Variants in RNF144A observed in about 807,000 individuals in gnomAD.
RNF144A encodes the protein E3 ubiquitin-protein ligase RNF144A.
RNF144A carries 11 observed loss-of-function variants against 38.7 expected under a neutral mutation model. That is an observed-to-expected ratio of 0.28 (90% CI 0.18 to 0.47). The LOEUF (loss-of-function observed/expected upper bound fraction) is 0.47, where lower values mean the gene tolerates loss of function less well. RNF144A is among the 20% of genes least tolerant of loss of function. RNF144A has a pLI of 0.99. For missense variants in RNF144A, 316 were observed against 377.2 expected, an observed-to-expected ratio of 0.84 and a Z score of 1.34; for synonymous variants, 149 against 143.9, an observed-to-expected ratio of 1.04 and a Z score of -0.25.
chr2:6,946,529 G>A (rs1317876673), intron 2 of RNF144A, among the ~76,000 whole-genome samples: 12 of 151,402 alleles, frequency 7.9e-5, no homozygotes, highest in Admixed American at 7.9e-4. Context: ...ACCTATAATT[G>A]TATGTACATA....
chr2:6,933,987 G>A (rs578136680), intron 1 of RNF144A, among the ~76,000 whole-genome samples: 7 of 152,134 alleles, frequency 4.6e-5, no homozygotes, highest in African/African-American at 1.7e-4. Context: ...TTTAACATAC[G>A]CATGAAATTT....
chr2:6,995,513 A>G (rs1669671412), intron 2 of RNF144A, among the ~76,000 whole-genome samples: 1 of 152,212 alleles, frequency 6.6e-6, no homozygotes, highest in Admixed American at 6.5e-5. Context: ...AAGCCAGTCC[A>G]AGTCCCAAAA....
chr2:7,030,791 T>C (rs1002288084), intron 8 of RNF144A, among the ~76,000 whole-genome samples: 1 of 152,130 alleles, frequency 6.6e-6, no homozygotes, highest in African/African-American at 2.4e-5. Context: ...CATTGTAATA[T>C]ATAGTGAAAT....
At chr2:7,062,097 C>T (rs751122467) in intron 6 of RNF144A, among the ~76,000 whole-genome samples, 1 of 152,176 alleles carries the variant, frequency 6.6e-6, no homozygotes, top group Non-Finnish European at 1.5e-5. Flanking sequence ...GGCTGGGAAC[C>T]TGGTTCTGCT....
At chr2:6,996,873 CA>C in intron 2 of RNF144A, 42 bp from the exon 3 acceptor site, 1 of 1,595,564 alleles carries the variant, frequency 6.3e-7, no homozygotes, top group African/African-American at 1.3e-5. Context: ...AGGTGGATGC[CA>C]GGGGTGGGGA....
intron 1 of RNF144A, among the ~76,000 whole-genome samples, chr2:6,920,972 C>T (rs1664503891): frequency 2.6e-5 from 4 of 152,162 alleles, no homozygotes; most frequent in South Asian, 2.1e-4. Context: ...TAAATATTTT[C>T]CAAGATCCAG....
intron 2 of RNF144A, among the ~76,000 whole-genome samples, chr2:6,970,114 GC>G (rs1667915831): frequency 6.6e-6 from 1 of 152,182 alleles, no homozygotes; most frequent in African/African-American, 2.4e-5. Context: ...TGTATATGGA[GC>G]AAAAGTGAAT....
chr2:6,925,911 C>G (rs999870342), intron 1 of RNF144A, among the ~76,000 whole-genome samples: 1 of 152,196 alleles, frequency 6.6e-6, no homozygotes, highest in Admixed American at 6.5e-5. Context: ...TCAATACACA[C>G]AACACATATA....
chr2:7,032,345 GGAATCCGCGCCCCTTGCAGCTCTGCTC>G (rs1256493676), intron 8 of RNF144A, among the ~76,000 whole-genome samples: 521 of 136,266 alleles, frequency 3.8e-3, no homozygotes, highest in African/African-American at 0.012. Context: ...CAGCTCTGCT[GGAATCCGCGCCCCTTGCAGCTCTGCTC>G]GAATCCGCGC....
In RNF144A at chr2:6,943,916, G is replaced by A. The variant is rs372443369; in HGVS notation, c.-12+2769G>A. On this transcript the variant is annotated intron_variant, in intron 2 of 8. Transcript: ENST00000320892. This position sits in a 1 kb window ranked among gnomAD's most constrained non-coding sequence, Gnocchi z 4.3. ...CACCTGAAGCATTCACAGCCCACTC[G>A]AAGCTCTGGCTCCAGACTGAAAGAG... is the stretch of plus-strand genomic sequence containing the variant. Among the ~76,000 whole-genome samples, 91 of 152,282 alleles carry A rather than the reference G, an allele frequency of 6.0e-4. No individual in the cohort carries two copies. Among genetic ancestry groups the A allele is most frequent in the Middle Eastern group, 6.8e-3 (2 of 294 alleles).
rs139255233 is a variant in RNF144A, at chr2:6,928,458, C to G, written c.-212+10836C>G. ...ACATATATTTGATTCCCAGTGAAGA[C>G]TGGTTGAGAGAAGCCTCTCCCATAC... On this transcript the variant is annotated intron_variant, in intron 1 of 8. Transcript: ENST00000320892. Among the ~76,000 whole-genome samples the G allele has an allele frequency of 4.6e-3, 704 of 152,298 alleles. 18 individuals are homozygous for G. Among genetic ancestry groups the G allele is most frequent in the Admixed American group, 0.032 (487 of 15,304 alleles).
chr2:6,919,379 A>G (rs893462251), intron 1 of RNF144A, among the ~76,000 whole-genome samples: 2 of 152,144 alleles, frequency 1.3e-5, no homozygotes, highest in African/African-American at 2.4e-5. Flanking sequence ...TGTTTTTTGC[A>G]CTTTTCTAAT....
intron 8 of RNF144A, among the ~76,000 whole-genome samples, chr2:7,036,810 G>A (rs1235195202): frequency 2.6e-5 from 4 of 152,126 alleles, no homozygotes; most frequent in Non-Finnish European, 4.4e-5. Context: ...CTTGAATGTG[G>A]TTTGTACAAG....
chr2:6,926,039 A>G (rs905168808), intron 1 of RNF144A, among the ~76,000 whole-genome samples: 1 of 152,262 alleles, frequency 6.6e-6, no homozygotes, highest in Non-Finnish European at 1.5e-5. Context: ...CTTAATAGCA[A>G]GGCACTGAAG....
intron 5 of RNF144A, 94 bp from the exon 6 acceptor site, chr2:7,020,379 C>G (rs1671438276): frequency 9.2e-7 from 1 of 1,081,094 alleles, no homozygotes. Flanking sequence ...TGGACATGTT[C>G]CTCCCTGTCC....
At chr2:7,032,582 C>T (rs144006179) in intron 8 of RNF144A, among the ~76,000 whole-genome samples, 2 of 152,372 alleles carry the variant, frequency 1.3e-5, no homozygotes, top group African/African-American at 2.4e-5. Flanking sequence ...CTGCGGCATT[C>T]CTGGACAGAT....
At chr2:7,004,372 C>A (rs1201286751) in intron 3 of RNF144A, among the ~76,000 whole-genome samples, 1 of 152,156 alleles carries the variant, frequency 6.6e-6, no homozygotes, top group Admixed American at 6.5e-5. Context: ...AATAACCTTC[C>A]AGCTCTATTG....
At chr2:7,032,957 C>G (rs1672422500) in intron 8 of RNF144A, among the ~76,000 whole-genome samples, 1 of 152,266 alleles carries the variant, frequency 6.6e-6, no homozygotes, top group Admixed American at 6.5e-5. Context: ...TGGGTGCTGA[C>G]TCGGGGGACC....
intron 2 of RNF144A, among the ~76,000 whole-genome samples, chr2:6,990,992 T>C (rs1290035385): frequency 6.6e-6 from 1 of 152,176 alleles, no homozygotes; most frequent in Non-Finnish European, 1.5e-5. Context: ...TTAAATTTCT[T>C]CCATGTCTTT....
Sources: allele counts gnomAD v4.1 joint callset (sites outside exome capture counted in the v4.1 genomes callset), GRCh38; gene constraint gnomAD v4.1.1; non-coding constraint Gnocchi (gnomAD v3.1); transcripts MANE v1.5; gene names NCBI Gene and HGNC (gene_info 2026-07-23, HGNC 2026-07-21).